The following DMRT1 variants were observed in gnomAD, a reference collection of about 807,000 sequenced individuals.
The protein encoded by DMRT1 is doublesex and mab-3 related transcription factor 1.
Under a neutral mutation model 32.3 loss-of-function variants are expected in DMRT1, and 7 were observed. The observed-to-expected ratio is 0.22, with a 90% CI of 0.12 to 0.41. The LOEUF (loss-of-function observed/expected upper bound fraction) is 0.41. Ranked by LOEUF, DMRT1 falls within the 10% of genes least tolerant of loss-of-function variation. The pLI, the probability that DMRT1 is intolerant of heterozygous loss-of-function variation, is 1.00. For synonymous variants in DMRT1, 278 were observed against 206.1 expected, an observed-to-expected ratio of 1.35 and a Z score of -2.99; for missense variants, 625 against 500.5, an observed-to-expected ratio of 1.25 and a Z score of -2.37.
intron 3 of DMRT1, among the ~76,000 whole-genome samples, chr9:916,134 T>A (rs1443403389): frequency 6.6e-6 from 1 of 152,206 alleles, no homozygotes; most frequent in Non-Finnish European, 1.5e-5. Context: ...TCTGATAACT[T>A]GCGCCCGTTC....
At chr9:915,156 C>G (rs775281657) in intron 3 of DMRT1, among the ~76,000 whole-genome samples, 1 of 152,098 alleles carries the variant, frequency 6.6e-6, no homozygotes, top group African/African-American at 2.4e-5. Flanking sequence ...TGTTTAAAAG[C>G]GAGTACCATC....
chr9:890,254 A>T (rs1817093741), intron 2 of DMRT1, among the ~76,000 whole-genome samples: 2 of 151,968 alleles, frequency 1.3e-5, no homozygotes, highest in Non-Finnish European at 2.9e-5. Flanking sequence ...GCCCAAACTG[A>T]TGTTTAAAAT....
At chr9:911,787 C>T (rs1817999852) in intron 3 of DMRT1, among the ~76,000 whole-genome samples, 1 of 152,124 alleles carries the variant, frequency 6.6e-6, no homozygotes, top group African/African-American at 2.4e-5. Flanking sequence ...CCACCGCGCC[C>T]ATCCATGAAT....
At chr9:920,428 T>C (rs1034717623) in intron 4 of DMRT1, among the ~76,000 whole-genome samples, 4 of 152,126 alleles carry the variant, frequency 2.6e-5, no homozygotes, top group African/African-American at 9.7e-5. Context: ...AGAGTGCTGA[T>C]ATGTCAAATG....
At chr9:845,100 A>C (rs1030578699) in intron 1 of DMRT1, among the ~76,000 whole-genome samples, 11 of 152,272 alleles carry the variant, frequency 7.2e-5, no homozygotes, top group Middle Eastern at 3.4e-3. Flanking sequence ...TGGGTGCTTC[A>C]CTGTCATTTC....
chr9:893,856 G>C, intron 2 of DMRT1, 56 bp from the exon 3 acceptor site: 14 of 1,556,314 alleles, frequency 9.0e-6, no homozygotes, highest in Non-Finnish European at 1.2e-5. Flanking sequence ...TAGAAGTAAA[G>C]TTTCGTGGAC....
At chr9:918,247 T>A (rs924053734) in intron 4 of DMRT1, among the ~76,000 whole-genome samples, 2 of 152,238 alleles carry the variant, frequency 1.3e-5, no homozygotes, top group African/African-American at 4.8e-5. Context: ...AATTTGGGGA[T>A]GAAGCAGTTA....
At chr9:950,981 C>A (rs1330726957) in intron 4 of DMRT1, among the ~76,000 whole-genome samples, 1 of 151,966 alleles carries the variant, frequency 6.6e-6, no homozygotes, top group African/African-American at 2.4e-5. Flanking sequence ...AAAGTATATC[C>A]CCCTTACTAC....
chr9:863,035 C>A (rs1196230950), intron 2 of DMRT1, among the ~76,000 whole-genome samples: 1 of 150,488 alleles, frequency 6.6e-6, no homozygotes, highest in African/African-American at 2.4e-5. Flanking sequence ...GGAGAGCTCC[C>A]TGGGTGTGGT....
At position 950,662 on chromosome 9, in the gene DMRT1, A is replaced by G. The variant is rs567178752; in HGVS notation, c.968-17323A>G. On this transcript the variant is annotated intron_variant, in intron 4 of 4. Transcript: ENST00000382276. ...TTCATTTCACAAGCCTGCTTCCCCA[A>G]GTCAGCATTTACCAGCTCCTGCCTT... Among the ~76,000 whole-genome samples the G allele has an allele frequency of 2.0e-3, 309 of 152,282 alleles. 2 individuals carry two copies. The highest frequency in any genetic ancestry group is 6.4e-3 in the African/African-American group (268 of 41,552).
intron 2 of DMRT1, among the ~76,000 whole-genome samples, chr9:847,579 C>T (rs188551974): frequency 2.1e-4 from 32 of 152,310 alleles, no homozygotes; most frequent in Admixed American, 1.8e-3. Flanking sequence ...GAAGTAACAC[C>T]GGAAGGAAGG....
intron 4 of DMRT1, among the ~76,000 whole-genome samples, chr9:939,556 T>C (rs1333285838): frequency 6.6e-6 from 1 of 152,256 alleles, no homozygotes. Flanking sequence ...CTCTCGTTTG[T>C]TCTCTGGACT....
intron 2 of DMRT1, among the ~76,000 whole-genome samples, chr9:878,976 TG>T (rs1816622759): frequency 6.6e-6 from 1 of 152,192 alleles, no homozygotes; most frequent in Non-Finnish European, 1.5e-5. Flanking sequence ...TTGTGCTGCC[TG>T]GCCATATTGT....
At chr9:956,228 A>G (rs442925) in intron 4 of DMRT1, among the ~76,000 whole-genome samples, 108,935 of 152,142 alleles carry the variant, frequency 0.72, 39,118 homozygotes, top group East Asian at 0.78. Context: ...AGTCAAAATC[A>G]TAGAGCCAGA....
intron 4 of DMRT1, among the ~76,000 whole-genome samples, chr9:926,718 A>AGAGAGAGAGAGAGAG: frequency 6.6e-6 from 1 of 150,666 alleles, no homozygotes; most frequent in African/African-American, 2.5e-5. Flanking sequence ...AGAGAGAGAG[A>AGAGAGAGAGAGAGAG]AGCTCTGGAA....
At chr9:861,807 G>C (rs71488156) in intron 2 of DMRT1, among the ~76,000 whole-genome samples, 85 of 8,746 alleles carry the variant, frequency 9.7e-3, no homozygotes, top group Non-Finnish European at 0.023. Context: ...CTGCCGGGCG[G>C]GGGGGGGCTC....
intron 4 of DMRT1, among the ~76,000 whole-genome samples, chr9:937,707 G>A (rs556831381): frequency 2.0e-5 from 3 of 152,104 alleles, no homozygotes; most frequent in South Asian, 2.1e-4. Context: ...TTGGTTTTTT[G>A]TCGTTGTTGT....
At chr9:917,095 TATC>T (rs1818209152) in intron 4 of DMRT1, among the ~76,000 whole-genome samples, 188 bp downstream of exon 4, 1 of 152,222 alleles carries the variant, frequency 6.6e-6, no homozygotes, top group Non-Finnish European at 1.5e-5. Context: ...TGATTCTTAA[TATC>T]ATGTTTTTTT....
chr9:885,589 A>G (rs1018609625), intron 2 of DMRT1, among the ~76,000 whole-genome samples: 4 of 152,134 alleles, frequency 2.6e-5, no homozygotes, highest in Non-Finnish European at 5.9e-5. Context: ...TTCTTCCACC[A>G]ATCTACTCGT....
Sources: gnomAD v4.1 joint callset for allele counts (sites outside exome capture counted in the v4.1 genomes callset) on GRCh38, gnomAD v4.1.1 for gene constraint, MANE v1.5 for transcripts, NCBI Gene and HGNC (gene_info 2026-07-23, HGNC 2026-07-21) for gene names.